The following DPP6 variants were observed in gnomAD, a reference collection of about 807,000 sequenced individuals.
The protein encoded by DPP6 is dipeptidyl peptidase like 6, also known as A-type potassium channel modulatory protein DPP6.
A neutral mutation model predicts 122.6 loss-of-function variants in DPP6; 69 were observed. The observed-to-expected ratio is 0.56, with a 90% CI of 0.46 to 0.69. DPP6 has a LOEUF of 0.69. Among genes scored for constraint, DPP6 ranks in the 30% least tolerant of loss-of-function variants. The pLI, the probability that DPP6 is intolerant of heterozygous loss-of-function variation, is 0.00. For synonymous variants in DPP6, 418 were observed against 433.1 expected, an observed-to-expected ratio of 0.97 and a Z score of 0.43; for missense variants, 928 against 1,116.9, an observed-to-expected ratio of 0.83 and a Z score of 2.41.
At chr7:154,086,841 A>G (rs112341213) in intron 1 of DPP6, among the ~76,000 whole-genome samples, 2,485 of 152,044 alleles carry the variant, frequency 0.016, 78 homozygotes, top group African/African-American at 0.057. Flanking sequence ...ATGGTCTCGA[A>G]CTCCTGACCT....
In DPP6 at chr7:154,483,195, T is replaced by C. The variant is rs1823471585; in HGVS notation, c.457+8158T>C. On this transcript the variant is annotated intron_variant, in intron 3 of 25. Transcript: ENST00000377770. The surrounding 1 kb of genome is among the most constrained non-coding windows in gnomAD (Gnocchi z 8.1). ...ACGTCAAAGTCAAGGCAGGAGAAAA[T>C]GCTCTAGGCGAGTTAGTGTGCTGCC... Among the ~76,000 whole-genome samples the C allele has an allele frequency of 6.6e-6, 1 of 151,826 alleles. No homozygotes were observed. Among genetic ancestry groups the C allele is most frequent in the Non-Finnish European group, 1.5e-5 (1 of 67,944 alleles).
At chr7:153,985,253 A>G (rs1281898584) in intron 1 of DPP6, among the ~76,000 whole-genome samples, 1 of 152,228 alleles carries the variant, frequency 6.6e-6, no homozygotes, top group Non-Finnish European at 1.5e-5. Context: ...TTGAAGGGGT[A>G]CAGAAATAAT....
At chr7:153,774,226 A>G in the DPP6 span, among the ~76,000 whole-genome samples, 1 of 152,198 alleles carries the variant, frequency 6.6e-6, no homozygotes, top group Non-Finnish European at 1.5e-5. Flanking sequence ...AAAGTCTGCT[A>G]CAAGTCCGAA....
chr7:154,084,786 G>A (rs1232203722), intron 1 of DPP6, among the ~76,000 whole-genome samples: 24 of 148,162 alleles, frequency 1.6e-4, no homozygotes, highest in Non-Finnish European at 3.3e-4. Context: ...TCAGGAGATC[G>A]AGACCATCCT....
chr7:154,784,160 G>A (rs576922115), intron 10 of DPP6, among the ~76,000 whole-genome samples: 8 of 152,244 alleles, frequency 5.3e-5, no homozygotes, highest in South Asian at 2.1e-4. Flanking sequence ...CCTGCATGGC[G>A]TGAACAGTGC....
intron 1 of DPP6, among the ~76,000 whole-genome samples, chr7:154,044,321 C>A (rs898769223): frequency 2.6e-5 from 4 of 152,152 alleles, no homozygotes; most frequent in Admixed American, 2.6e-4. Context: ...AAGTTACAGT[C>A]CACAGTGAAT....
At chr7:153,880,861 C>A in the DPP6 span, among the ~76,000 whole-genome samples, 2 of 152,088 alleles carry the variant, frequency 1.3e-5, no homozygotes, top group African/African-American at 4.8e-5. Flanking sequence ...TGAGCAAGTG[C>A]GAGATAGAGA....
intron 8 of DPP6, among the ~76,000 whole-genome samples, chr7:154,745,506 T>C (rs1469752242): frequency 2.0e-5 from 3 of 152,348 alleles, no homozygotes; most frequent in African/African-American, 4.8e-5. Flanking sequence ...GAATGCTCAA[T>C]GGACACAGGG....
chr7:154,311,488 C>A (rs1806877766), intron 1 of DPP6, among the ~76,000 whole-genome samples: 3 of 145,140 alleles, frequency 2.1e-5, no homozygotes, highest in Non-Finnish European at 4.5e-5. Context: ...TGGAGTGAAA[C>A]CCTGTCTCCA....
At chr7:154,689,152 C>G (rs1839798649) in intron 7 of DPP6, among the ~76,000 whole-genome samples, 1 of 152,230 alleles carries the variant, frequency 6.6e-6, no homozygotes, top group South Asian at 2.1e-4. Flanking sequence ...AGTGAAGATG[C>G]AACCCTCGCC....
chr7:153,860,441 G>A, the DPP6 span, among the ~76,000 whole-genome samples: 23 of 152,060 alleles, frequency 1.5e-4, no homozygotes, highest in East Asian at 5.8e-4. Context: ...AGGCCAGAGC[G>A]TTTGCACCCA....
At chr7:153,865,279 G>T in the DPP6 span, among the ~76,000 whole-genome samples, 4 of 152,144 alleles carry the variant, frequency 2.6e-5, no homozygotes, top group African/African-American at 4.8e-5. Context: ...ATACAGAAAA[G>T]TAAGGTTACT....
rs905937781 is a variant in DPP6 at position 154,853,722 on chromosome 7, C to T, written c.1667-58C>T. 1.5e-5 allele frequency: 23 copies of T among 1,534,440 alleles called. No individual in the cohort carries two copies. In the African/African-American group the frequency reaches 2.0e-4, roughly 13 times the overall value. Reference sequence around the variant, plus strand: ...TAAGAAAAGCCTGTTTTCTTGTTCTCGGCTAAACTAATGGCTTCGTTTTTG... The same window carrying T: ...TAAGAAAAGCCTGTTTTCTTGTTCTTGGCTAAACTAATGGCTTCGTTTTTG... On this transcript the variant is annotated intron_variant, in intron 16 of 25. Coordinates refer to ENST00000377770, the MANE Select transcript of DPP6 (RefSeq NM_130797.4).
Position 154,313,715 on chromosome 7 carries a change from A to ATATATATATATACG in DPP6, c.244-132499_244-132498insTATATATATATACG, listed in dbSNP as rs1563460487. On this transcript the variant is annotated intron_variant, in intron 1 of 25. Transcript: ENST00000377770. The stretch of plus-strand genomic sequence containing the variant: ...TATATATATATATATATATATATAT[A>ATATATATATATACG]CACACACACGCACGCACACACACAC... Among the ~76,000 whole-genome samples, 6 of 35,810 alleles carry ATATATATATATACG rather than the reference A, an allele frequency of 1.7e-4. 1 individual carries two copies. The highest frequency in any genetic ancestry group is 4.2e-4 in the African/African-American group (4 of 9,452). The allele number at this position is 35,810 out of a possible 152,430, so 23.5% of individuals were successfully genotyped here. A position where few individuals can be genotyped will look rare whatever the true frequency, so the allele number is the denominator to read the frequency against.
Position 154,784,967 on chromosome 7 carries a change from C to G in DPP6, c.1137-9112C>G, listed in dbSNP as rs535273670. Reference sequence around the variant, plus strand: ...TCTTGAGGAGCTTGAAAAAAAATATCTTATTCTTATGAACTTGGTCTGGTT... The same window carrying G: ...TCTTGAGGAGCTTGAAAAAAAATATGTTATTCTTATGAACTTGGTCTGGTT... On this transcript the variant is annotated intron_variant, in intron 10 of 25. Coordinates refer to ENST00000377770, the MANE Select transcript of DPP6 (RefSeq NM_130797.4). Among the ~76,000 whole-genome samples, 56 of 152,216 alleles carry G rather than the reference C, an allele frequency of 3.7e-4. 3 individuals carry two copies. The South Asian group carries it at 0.011, about 30-fold the overall frequency.
chr7:154,364,661 A>C (rs536472259), intron 1 of DPP6, among the ~76,000 whole-genome samples: 2 of 152,286 alleles, frequency 1.3e-5, no homozygotes, highest in East Asian at 3.9e-4. Flanking sequence ...CCCATTCCCA[A>C]AGGACAAATG....
intron 1 of DPP6, among the ~76,000 whole-genome samples, chr7:154,212,275 C>G (rs1052426553): frequency 2.0e-5 from 3 of 152,214 alleles, no homozygotes; most frequent in Non-Finnish European, 4.4e-5. Flanking sequence ...GCGCTTTCAA[C>G]TTCTTATACC....
At chr7:154,358,766 C>T (rs574375262) in intron 1 of DPP6, among the ~76,000 whole-genome samples, 8 of 152,260 alleles carry the variant, frequency 5.3e-5, no homozygotes, top group Admixed American at 2.0e-4. Context: ...AATGCAATGA[C>T]GTGATCTCAG....
At chr7:153,887,415 G>C in exon 1 of DPP6, 2 of 383,044 alleles carry the variant, frequency 5.2e-6, no homozygotes, top group Non-Finnish European at 9.6e-6. Context: ...TTTGTTTAAA[G>C]CAACACCCAC....
Sources: gnomAD v4.1 joint callset for allele counts (sites outside exome capture counted in the v4.1 genomes callset) on GRCh38, gnomAD v4.1.1 for gene constraint, Gnocchi (gnomAD v3.1) non-coding constraint, MANE v1.5 for transcripts, NCBI Gene and HGNC (gene_info 2026-07-23, HGNC 2026-07-21) for gene names.